SIAE: variants seen among roughly 807,000 people sequenced by gnomAD.
The protein encoded by SIAE is sialate O-acetylesterase.
Under a neutral mutation model 52.6 loss-of-function variants are expected in SIAE, and 39 were observed. The observed-to-expected ratio is 0.74, with a 90% CI of 0.57 to 0.97. The LOEUF (loss-of-function observed/expected upper bound fraction) is 0.97. Among genes scored for constraint, SIAE ranks in the 50% least tolerant of loss-of-function variants. SIAE has a pLI of 0.00. For missense variants in SIAE, 592 were observed against 662.1 expected (o/e 0.89, Z 1.16); for synonymous variants, 233 against 241.4 (o/e 0.97, Z 0.32).
At chr11:124,673,803 C>T, upstream of SIAE, 1 of 1,408,998 alleles carries the variant, frequency 7.1e-7, no homozygotes, top group Non-Finnish European at 9.8e-7. Flanking sequence ...CACCCTTTTG[C>T]AGTCCTCGCA....
At position 124,647,456 on chromosome 11, in the gene SIAE, G is replaced by A; in HGVS notation, c.875C>T (p.Thr292Ile). 1 of 1,614,196 alleles carries A rather than the reference G, an allele frequency of 6.2e-7. No homozygotes were observed. The change falls in exon 7 of 10, where the codon ACA (threonine) becomes ATA (isoleucine). Residue 292 changes from threonine to isoleucine, a missense_variant. Physicochemically the swap from Thr to Ile is moderately conservative, Grantham distance 89. Transcript: ENST00000263593. ...CCAGTCTTCGATGAGTGCAGGGAATGTGCAATTGTACAGATCCGTGTTATA... is the reference window on the plus strand; with the variant it reads ...CCAGTCTTCGATGAGTGCAGGGAATATGCAATTGTACAGATCCGTGTTATA... ...INYNTDLYNC[T>I]FPALIEDWRE... is the part of the protein sequence containing the mutation.
chr11:124,638,862 A>T, intron 8 of SIAE, 125 bp from the exon 9 acceptor site: 3 of 752,994 alleles, frequency 4.0e-6, no homozygotes, highest in Non-Finnish European at 6.7e-6. Flanking sequence ...GAACTCTGTG[A>T]TCAGTGGCTA....
intron 3 of SIAE, among the ~76,000 whole-genome samples, chr11:124,658,240 GCACA>G (rs10643725): frequency 0.081 from 11,714 of 145,214 alleles, 523 homozygotes; most frequent in Non-Finnish European, 0.1. Context: ...GTGTGTCTGT[GCACA>G]CACACACACA....
chr11:124,648,009 G>A lies in SIAE; in HGVS notation c.832+57C>T, dbSNP rs536161519. On this transcript the variant is annotated intron_variant, in intron 6 of 9. Transcript: ENST00000263593. ...TTAAGCCACTACGTTCTAGGGTGCT[G>A]TGTTATACAGCAAACGCTATCTGAT... 796 of 1,316,454 alleles carry A rather than the reference G, an allele frequency of 6.0e-4. 6 individuals are homozygous for A. The South Asian group carries it at 8.9e-3, about 15-fold the overall frequency. The allele number at this position is 1,316,454 out of a possible 1,614,324, so 81.5% of individuals were successfully genotyped here.
intron 3 of SIAE, among the ~76,000 whole-genome samples, chr11:124,655,711 AC>A (rs901405065): frequency 6.6e-5 from 10 of 151,708 alleles, no homozygotes; most frequent in African/African-American, 2.4e-4. Context: ...CAGGAACCAC[AC>A]CCCCCCACAC....
At chr11:124,676,285 A>C (rs535596858), upstream of SIAE, 1 of 152,202 alleles carries the variant, frequency 6.6e-6, no homozygotes, top group Non-Finnish European at 1.5e-5. Context: ...TAGCCACTGC[A>C]CTCCATCCTG....
intron 2 of SIAE, among the ~76,000 whole-genome samples, chr11:124,667,826 A>G (rs2134391631): frequency 6.6e-6 from 1 of 152,198 alleles, no homozygotes; most frequent in Middle Eastern, 3.4e-3. Flanking sequence ...TTCTAGACAG[A>G]GACTCACTCC....
At chr11:124,652,756 G>A (rs894138945) in intron 4 of SIAE, among the ~76,000 whole-genome samples, 2 of 151,022 alleles carry the variant, frequency 1.3e-5, no homozygotes, top group African/African-American at 2.4e-5. Flanking sequence ...ACGTGGGAGA[G>A]ATGGATCCTC....
intron 2 of SIAE, among the ~76,000 whole-genome samples, chr11:124,665,407 C>T (rs1366562712): frequency 6.6e-6 from 1 of 152,180 alleles, no homozygotes; most frequent in Admixed American, 6.5e-5. Context: ...AGCAGAGGTG[C>T]TGCCATGAGC....
At chr11:124,639,079 T>C (rs1423391906) in intron 8 of SIAE, among the ~76,000 whole-genome samples, 1 of 152,028 alleles carries the variant, frequency 6.6e-6, no homozygotes, top group Non-Finnish European at 1.5e-5. Context: ...AAAAGTCAGG[T>C]TTCTTTGGAA....
In SIAE at chr11:124,639,693, C is replaced by A. The variant is rs1462284822; in HGVS notation, c.1124+17G>T. On this transcript the variant is annotated intron_variant, in intron 8 of 9. Transcript: ENST00000263593. ...AGAACATACACTGTTCATGCAAAGCCCAAGAAGCAATCATACCTGCCAAAA... is the reference window on the plus strand; with the variant it reads ...AGAACATACACTGTTCATGCAAAGCACAAGAAGCAATCATACCTGCCAAAA... 6.2e-7 allele frequency: 1 copy of A among 1,613,796 alleles called. No homozygotes were observed. The highest frequency in any genetic ancestry group is 1.3e-5 in the African/African-American group (1 of 74,898).
At chr11:124,644,713 C>G (rs909387446) in intron 7 of SIAE, among the ~76,000 whole-genome samples, 2 of 152,146 alleles carry the variant, frequency 1.3e-5, no homozygotes, top group Non-Finnish European at 2.9e-5. Flanking sequence ...TCCTCCAAAT[C>G]CCTATTTAAA....
At chr11:124,651,106 A>C (rs1051371206) in intron 4 of SIAE, among the ~76,000 whole-genome samples, 1 of 152,232 alleles carries the variant, frequency 6.6e-6, no homozygotes, top group South Asian at 2.1e-4. Flanking sequence ...TAGACAGTGC[A>C]ATAGTGAGGA....
rs1352458743 is a variant in SIAE at position 124,636,601 on chromosome 11, T to G, written c.*350A>C. ...GCTGGCCTATGTGGCCTTTAAAATC[T>G]CTTCCAATCCTGAGATTCCCACAAC... On this transcript the variant is annotated 3_prime_UTR_variant, in exon 10 of 10. Coordinates refer to ENST00000263593, the MANE Select transcript of SIAE (RefSeq NM_170601.5). The G allele has an allele frequency of 4.9e-5, 16 of 327,064 alleles. No homozygotes were observed. The Admixed American group carries it at 6.3e-4, about 13-fold the overall frequency. The allele number at this position is 327,064 out of a possible 1,614,324, so 20.3% of individuals were successfully genotyped here.
At chr11:124,669,812 T>C (rs1309009235) in intron 1 of SIAE, among the ~76,000 whole-genome samples, 2 of 152,214 alleles carry the variant, frequency 1.3e-5, no homozygotes, top group Non-Finnish European at 2.9e-5. Context: ...TCTTGATCTT[T>C]TTTTGCTCTT....
rs542241368 is a variant in SIAE at position 124,650,021 on chromosome 11, G to A, written c.545-225C>T. Among the ~76,000 whole-genome samples, 7 of 152,282 alleles carry A rather than the reference G, an allele frequency of 4.6e-5. No individual in the cohort carries two copies. The East Asian group carries it at 1.4e-3, about 29-fold the overall frequency. The stretch of plus-strand genomic sequence containing the variant: ...ATCTCTTCCAAACCTTCCCTAAGGA[G>A]AATCTTTTCCAAGGGAGAAAACTGT... On this transcript the variant is annotated intron_variant, in intron 4 of 9. Coordinates refer to ENST00000263593, the MANE Select transcript of SIAE (RefSeq NM_170601.5).
At chr11:124,646,717 T>G (rs1158765737) in intron 7 of SIAE, among the ~76,000 whole-genome samples, 1 of 152,198 alleles carries the variant, frequency 6.6e-6, no homozygotes, top group Non-Finnish European at 1.5e-5. Flanking sequence ...AGAAATTTCA[T>G]TTCTGGGAAT....
At chr11:124,646,810 C>T (rs568002441) in intron 7 of SIAE, among the ~76,000 whole-genome samples, 3 of 152,216 alleles carry the variant, frequency 2.0e-5, no homozygotes, top group Admixed American at 6.5e-5. Context: ...TAAAGCAAAA[C>T]GTTTAAAACA....
intron 1 of SIAE, among the ~76,000 whole-genome samples, chr11:124,673,190 T>C (rs571491992): frequency 3.4e-4 from 52 of 152,230 alleles, no homozygotes; most frequent in African/African-American, 1.3e-3. Flanking sequence ...TTAATTCCCC[T>C]AAGGAACCCC....
Sources: allele counts gnomAD v4.1 joint callset (sites outside exome capture counted in the v4.1 genomes callset), GRCh38; gene constraint gnomAD v4.1.1; transcripts MANE v1.5; gene names NCBI Gene and HGNC (gene_info 2026-07-23, HGNC 2026-07-21).